Variants in ERC1 observed in about 807,000 individuals in gnomAD.
ERC1 encodes the protein ELKS/RAB6-interacting/CAST family member 1, also known as RAB6 interacting protein 2.
ERC1 carries 56 observed loss-of-function variants against 132.0 expected under a neutral mutation model. The ratio of observed to expected loss-of-function variants is 0.42; its 90% CI spans 0.34 to 0.53. The LOEUF is 0.53. ERC1 is among the 20% of genes least tolerant of loss of function. The probability of loss-of-function intolerance (pLI) is 0.03; values close to 1 mark genes in which losing one functional copy is unlikely to be tolerated. For missense variants in ERC1, 1,202 were observed against 1,349.9 expected, an observed-to-expected ratio of 0.89 and a Z score of 1.72; for synonymous variants, 478 against 476.1, an observed-to-expected ratio of 1.00 and a Z score of -0.05.
chr12:1,131,484 CAG>C (rs569090673), intron 7 of ERC1, among the ~76,000 whole-genome samples: 132 of 152,162 alleles, frequency 8.7e-4, no homozygotes, highest in South Asian at 3.1e-3. Flanking sequence ...TTAATTGAGG[CAG>C]AGTCTCTCTC....
At chr12:1,157,957 A>G (rs1447105714) in intron 8 of ERC1, among the ~76,000 whole-genome samples, 3 of 152,232 alleles carry the variant, frequency 2.0e-5, no homozygotes, top group Non-Finnish European at 2.9e-5. Context: ...TCCAAAACTG[A>G]TAACACACTA....
chr12:1,239,122 CTTAT>C (rs2075625208), intron 13 of ERC1, among the ~76,000 whole-genome samples: 1 of 152,072 alleles, frequency 6.6e-6, no homozygotes, highest in Admixed American at 6.5e-5. Context: ...TATTTATTTA[CTTAT>C]TTGACAGACA....
intron 12 of ERC1, among the ~76,000 whole-genome samples, chr12:1,230,164 G>A (rs1325716540): frequency 1.3e-5 from 2 of 152,024 alleles, no homozygotes; most frequent in East Asian, 1.9e-4. Context: ...GTGCCACCAC[G>A]CCTGGCTAAT....
intron 15 of ERC1, among the ~76,000 whole-genome samples, chr12:1,364,436 A>G (rs1470873288): frequency 1.3e-5 from 2 of 152,202 alleles, no homozygotes; most frequent in Non-Finnish European, 2.9e-5. Flanking sequence ...GGTTCTGGTT[A>G]AAACCCTCAA....
At chr12:1,454,688 A>G (rs1321499064) in intron 18 of ERC1, among the ~76,000 whole-genome samples, 1 of 151,970 alleles carries the variant, frequency 6.6e-6, no homozygotes, top group Non-Finnish European at 1.5e-5. Flanking sequence ...TCTCAGCTGT[A>G]TTTTTCTTTT....
At chr12:1,152,935 C>G (rs940107980) in intron 8 of ERC1, 1 of 152,558 alleles carries the variant, frequency 6.6e-6, no homozygotes, top group Non-Finnish European at 1.5e-5. Context: ...ATGGAAAGGA[C>G]CACAGCAAGA....
rs757968396 is a variant in ERC1 at position 1,360,095 on chromosome 12, TTTTG to T, written c.2781-11726_2781-11723del. On this transcript the variant is annotated intron_variant, in intron 15 of 18. Transcript: ENST00000360905. ...GTACTCCCTTCTCCTCTGGCATCTT[TTTTG>T]TTTGTTTGTTTAAGAAGACATTCTG... 1.1e-4 allele frequency among the ~76,000 whole-genome samples: 16 copies of T among 152,334 alleles called. No individual in the cohort carries two copies. In the East Asian group the frequency reaches 2.1e-3, roughly 20 times the overall value.
chr12:1,276,347 C>A (rs1566460332), intron 14 of ERC1, among the ~76,000 whole-genome samples: 1 of 151,774 alleles, frequency 6.6e-6, no homozygotes, highest in Non-Finnish European at 1.5e-5. Flanking sequence ...AGCAATTATC[C>A]CTGCCTCAGC....
At chr12:1,301,554 C>T (rs1467056341) in intron 15 of ERC1, among the ~76,000 whole-genome samples, 1 of 152,046 alleles carries the variant, frequency 6.6e-6, no homozygotes, top group Non-Finnish European at 1.5e-5. Flanking sequence ...CCTTAGCAAA[C>T]TAACGCAGGA....
At chr12:1,411,159 T>C (rs2091824093) in intron 17 of ERC1, among the ~76,000 whole-genome samples, 2 of 152,188 alleles carry the variant, frequency 1.3e-5, no homozygotes, top group Non-Finnish European at 2.9e-5. Flanking sequence ...TAGATTCTCC[T>C]TTTCAGGACA....
intron 2 of ERC1, among the ~76,000 whole-genome samples, chr12:1,034,447 A>G (rs1427327281): frequency 6.6e-6 from 1 of 152,038 alleles, no homozygotes; most frequent in Non-Finnish European, 1.5e-5. Context: ...AATTTAAAAT[A>G]ATTAAGAAAT....
intron 17 of ERC1, among the ~76,000 whole-genome samples, chr12:1,434,945 C>T (rs771330768): frequency 3.0e-4 from 45 of 152,066 alleles, no homozygotes; most frequent in Non-Finnish European, 2.5e-4. Flanking sequence ...CTTAACGTTT[C>T]GAGAGAGAGA....
chr12:1,350,550 G>A (rs1347261674), intron 15 of ERC1, among the ~76,000 whole-genome samples: 1 of 152,156 alleles, frequency 6.6e-6, no homozygotes, highest in East Asian at 1.9e-4. Flanking sequence ...TATGGGATGG[G>A]CCTTTAACTG....
At chr12:1,035,232 A>ATAG (rs1483612862) in intron 2 of ERC1, among the ~76,000 whole-genome samples, 1 of 152,198 alleles carries the variant, frequency 6.6e-6, no homozygotes, top group Non-Finnish European at 1.5e-5. Context: ...GATTGGTTTA[A>ATAG]TAGGATTTAC....
intron 14 of ERC1, among the ~76,000 whole-genome samples, chr12:1,272,946 T>TTA (rs1186213792): frequency 3.4e-5 from 3 of 87,800 alleles, no homozygotes; most frequent in African/African-American, 1.5e-4. Context: ...AGACTCCGTC[T>TTA]AAAAAAAAAA....
At chr12:1,477,681 G>A (rs571986310) in intron 18 of ERC1, among the ~76,000 whole-genome samples, 1 of 152,122 alleles carries the variant, frequency 6.6e-6, no homozygotes, top group African/African-American at 2.4e-5. Context: ...TATGTATATA[G>A]CTGAATTACA....
In ERC1 at chr12:1,492,222, G is replaced by A. The variant is rs752206677; in HGVS notation, c.*1992G>A. 1 of 233,240 alleles carries A rather than the reference G, an allele frequency of 4.3e-6. No homozygotes were observed. The highest frequency in any genetic ancestry group is 6.0e-5 in the East Asian group (1 of 16,576). 14.4% of individuals were successfully genotyped at this position (233,240 alleles called of 1,614,324 possible). A position where few individuals can be genotyped will look rare whatever the true frequency, so the allele number is the denominator to read the frequency against. On this transcript the variant is annotated 3_prime_UTR_variant, in exon 19 of 19. Transcript: ENST00000360905. Reference sequence around the variant, plus strand: ...CCTGATAGCCAGGCTGGCCAGAGAGGGGTGCAGGGGTTAGATAGTAAGTGG... The same window carrying A: ...CCTGATAGCCAGGCTGGCCAGAGAGAGGTGCAGGGGTTAGATAGTAAGTGG...
At chr12:1,371,785 T>C in intron 15 of ERC1, 48 bp from the exon 16 acceptor site, 1 of 1,585,588 alleles carries the variant, frequency 6.3e-7, no homozygotes, top group Non-Finnish European at 8.6e-7. Flanking sequence ...CTCCAAAGAA[T>C]TGTTGGAAGG....
At chr12:1,446,015 C>T (rs1379253776) in intron 18 of ERC1, among the ~76,000 whole-genome samples, 1 of 152,138 alleles carries the variant, frequency 6.6e-6, no homozygotes, top group Non-Finnish European at 1.5e-5. Flanking sequence ...GACCTCATGA[C>T]CTAATCACCT....
Sources: gnomAD v4.1 joint callset for allele counts (sites outside exome capture counted in the v4.1 genomes callset) on GRCh38, gnomAD v4.1.1 for gene constraint, MANE v1.5 for transcripts, NCBI Gene and HGNC (gene_info 2026-07-23, HGNC 2026-07-21) for gene names.